SERBP1: variants seen among roughly 807,000 people sequenced by gnomAD.
SERBP1 encodes the protein SERPINE1 mRNA binding protein 1, also known as SERPINE1 mRNA-binding protein 1.
A neutral mutation model predicts 50.2 loss-of-function variants in SERBP1; 6 were observed. The observed-to-expected ratio is 0.12, with a 90% CI of 0.07 to 0.24. The LOEUF (loss-of-function observed/expected upper bound fraction) is 0.24, where lower values mean the gene tolerates loss of function less well. Ranked by LOEUF, SERBP1 falls within the 10% of genes least tolerant of loss-of-function variation. The pLI is 1.00. For missense variants in SERBP1, 346 were observed against 524.9 expected, an observed-to-expected ratio of 0.66 and a Z score of 3.33; for synonymous variants, 168 against 182.8, an observed-to-expected ratio of 0.92 and a Z score of 0.65.
Position 67,424,907 on chromosome 1 carries a change from T to A in SERBP1, c.676A>T (p.Thr226Ser), listed in dbSNP as rs781705745. 4.3e-6 allele frequency: 7 copies of A among 1,612,234 alleles called. No homozygotes were observed. In the South Asian group the frequency reaches 7.7e-5, roughly 18 times the overall value. The change falls in exon 4 of 8, where the codon ACT becomes TCT. Residue 226 changes from threonine (T) to serine (S), a missense_variant. Physicochemically the swap from Thr to Ser is moderately conservative, Grantham distance 58 (BLOSUM62 1). Coordinates refer to ENST00000361219, the MANE Select transcript of SERBP1 (RefSeq NM_001018069.2). ...RGGSGSHNWGTVKDELTDLDQ... is the reference protein window; with the variant it reads ...RGGSGSHNWGSVKDELTDLDQ... ...ACCAACGTTAATTCGTCTTTGACAG[T>A]TCCCCAGTTGTGAGATCCGCTACCT...
chr1:67,429,761 G>A (rs2100454007), intron 1 of SERBP1: 1 of 509,238 alleles, frequency 2.0e-6, no homozygotes, highest in Non-Finnish European at 3.4e-6. Flanking sequence ...ACAACCTGAG[G>A]CGGGAAGGGG....
intron 6 of SERBP1, among the ~76,000 whole-genome samples, chr1:67,419,303 G>T (rs1259731857): frequency 6.6e-6 from 1 of 152,156 alleles, no homozygotes; most frequent in African/African-American, 2.4e-5. Context: ...GTGTTAACTG[G>T]TTATGTTATC....
intron 6 of SERBP1, among the ~76,000 whole-genome samples, chr1:67,415,692 T>C (rs1038439471): frequency 1.3e-5 from 2 of 152,200 alleles, no homozygotes; most frequent in Non-Finnish European, 2.9e-5. Context: ...GCCCTTCAGA[T>C]CAGGACTGCC....
intron 1 of SERBP1, 138 bp downstream of exon 1, chr1:67,429,850 T>C (rs992335445): frequency 1.7e-4 from 177 of 1,017,076 alleles, no homozygotes; most frequent in Middle Eastern, 2.4e-4. Context: ...ACCGGACTTT[T>C]GTCGCGTGAA....
intron 4 of SERBP1, chr1:67,424,545 T>C (rs1667308351): frequency 4.0e-6 from 2 of 499,350 alleles, no homozygotes; most frequent in Non-Finnish European, 6.9e-6. Context: ...GAAGCTTTAC[T>C]AGCTTATCAA....
intron 2 of SERBP1, 36 bp downstream of exon 2, chr1:67,426,095 TTAGA>T: frequency 6.4e-7 from 1 of 1,565,428 alleles, no homozygotes; most frequent in Non-Finnish European, 8.7e-7. Flanking sequence ...AGCCTACATG[TTAGA>T]CCAAGACCCT....
rs765548919 is a variant in SERBP1, at chr1:67,430,286, T to A, written c.15A>T (p.Leu5Phe). Reference sequence around the variant, plus strand: ...TGACCACGCAGCCGAAGCCTTCCTGTAAGTGCCCAGGCATGATGGTGGCTC... The same window carrying A: ...TGACCACGCAGCCGAAGCCTTCCTGAAAGTGCCCAGGCATGATGGTGGCTC... MPGH[L>F]QEGFGCVVTN... Residue 5 changes from leucine (L) to phenylalanine (F), a missense_variant, in exon 1 of 8, where the codon TTA becomes TTT. By Grantham distance (22) the Leu-to-Phe change is conservative (BLOSUM62 0). Around this residue, in one of 5 missense-constraint regions of SERBP1, gnomAD observed 13 missense variants for 40.8 expected, o/e 0.32. Transcript: ENST00000361219. The A allele has an allele frequency of 6.5e-7, 1 of 1,532,870 alleles. No homozygotes were observed. The highest frequency in any genetic ancestry group is 1.3e-5 in the South Asian group (1 of 78,894). The allele number at this position is 1,532,870 out of a possible 1,614,324, so 95.0% of individuals were successfully genotyped here.
intron 6 of SERBP1, among the ~76,000 whole-genome samples, chr1:67,418,973 A>C (rs564197080): frequency 3.9e-5 from 6 of 152,228 alleles, no homozygotes; most frequent in African/African-American, 1.4e-4. Flanking sequence ...TAGGGCTTGT[A>C]TGAGTTTTTA....
rs1034076001 is a variant in SERBP1, at chr1:67,410,457, A to T, written c.*2750T>A. The T allele has an allele frequency of 1.3e-5, 2 of 152,144 alleles. No individual in the cohort carries two copies. The highest frequency in any genetic ancestry group is 2.4e-5 in the African/African-American group (1 of 41,426). The allele number at this position is 152,144 out of a possible 1,614,324, so 9.4% of individuals were successfully genotyped here. A position where few individuals can be genotyped will look rare whatever the true frequency, so the allele number is the denominator to read the frequency against. Reference sequence around the variant, plus strand: ...GAAATGATGTGTACTACTTTTATTTAAAAAAATAAGAGTAAAGGAACTAAC... The same window carrying T: ...GAAATGATGTGTACTACTTTTATTTTAAAAAATAAGAGTAAAGGAACTAAC... On this transcript the variant is annotated 3_prime_UTR_variant, in exon 8 of 8. Transcript: ENST00000361219.
rs184657805 is a variant in SERBP1 at position 67,418,484 on chromosome 1, A to G, written c.951+1525T>C. Reference sequence around the variant, plus strand: ...AAAAAATTATGCTTATTGGCTGGGCATGGTGGCACACGCCTATAATCCCAG... The same window carrying G: ...AAAAAATTATGCTTATTGGCTGGGCGTGGTGGCACACGCCTATAATCCCAG... On this transcript the variant is annotated intron_variant, in intron 6 of 7. Transcript: ENST00000361219. Among the ~76,000 whole-genome samples the G allele has an allele frequency of 8.6e-3, 1,312 of 152,156 alleles. 9 individuals carry two copies. The highest frequency in any genetic ancestry group is 0.014 in the Admixed American group (213 of 15,270).
rs1175928699 is a variant in SERBP1 at position 67,412,621 on chromosome 1, T to C, written c.*586A>G. 1.3e-5 allele frequency: 2 copies of C among 152,736 alleles called. No individual in the cohort carries two copies. Among genetic ancestry groups the C allele is most frequent in the Admixed American group, 1.3e-4 (2 of 15,282 alleles). 9.5% of individuals were successfully genotyped at this position (152,736 alleles called of 1,614,324 possible). On this transcript the variant is annotated 3_prime_UTR_variant, in exon 8 of 8. Transcript: ENST00000361219. ...AGATTTAGCATATATATATAACAGC[T>C]ATCATGAGAAGTGAAAAAAGATTTT...
intron 6 of SERBP1, among the ~76,000 whole-genome samples, chr1:67,416,752 CCAACA>C (rs1667024091): frequency 6.6e-6 from 1 of 152,254 alleles, no homozygotes; most frequent in African/African-American, 2.4e-5. Flanking sequence ...TTGTACCAAA[CCAACA>C]CACTGTAAGG....
intron 2 of SERBP1, 139 bp downstream of exon 2, chr1:67,425,996 G>A (rs557810517): frequency 6.3e-5 from 42 of 662,368 alleles, no homozygotes; most frequent in Non-Finnish European, 9.0e-5. Flanking sequence ...CTTGTAGTCC[G>A]AGCTACTCAA....
At chr1:67,428,106 T>C (rs766664791) in intron 1 of SERBP1, among the ~76,000 whole-genome samples, 2 of 152,238 alleles carry the variant, frequency 1.3e-5, no homozygotes, top group African/African-American at 2.4e-5. Context: ...ATCAGGACAG[T>C]AGAATCTCAA....
chr1:67,419,934 A>G, intron 6 of SERBP1, 75 bp downstream of exon 6: 1 of 1,378,358 alleles, frequency 7.3e-7, no homozygotes, highest in Non-Finnish European at 1.0e-6. Context: ...CCCATGTGAA[A>G]TTTTAAAACA....
At chr1:67,429,911 A>C in intron 1 of SERBP1, 77 bp downstream of exon 1, 4 of 1,457,012 alleles carry the variant, frequency 2.7e-6, no homozygotes, top group Non-Finnish European at 2.8e-6. Flanking sequence ...TCGGAGCTCC[A>C]GAAACAAGTG....
At chr1:67,424,053 C>T (rs962442056) in intron 5 of SERBP1, 147 bp downstream of exon 5, 2 of 735,690 alleles carry the variant, frequency 2.7e-6, no homozygotes, top group East Asian at 5.9e-5. Flanking sequence ...CTTTCAAATA[C>T]TCTTTGAGGG....
At chr1:67,413,340 A>G in intron 7 of SERBP1, 77 bp from the exon 8 acceptor site, 1 of 1,300,114 alleles carries the variant, frequency 7.7e-7, no homozygotes, top group Non-Finnish European at 1.0e-6. Context: ...CTACATTAAG[A>G]CAGAACTCTA....
intron 6 of SERBP1, chr1:67,417,116 A>T (rs1437232825): frequency 6.6e-6 from 1 of 152,226 alleles, no homozygotes. Flanking sequence ...TCGCTTGAGC[A>T]CGGGGAGGTT....
Sources: allele counts gnomAD v4.1 joint callset (sites outside exome capture counted in the v4.1 genomes callset), GRCh38; gene constraint gnomAD v4.1.1; regional missense constraint gnomAD v4.1.1; transcripts MANE v1.5; gene names NCBI Gene and HGNC (gene_info 2026-07-23, HGNC 2026-07-21).